OR11A1: variants seen among roughly 807,000 people sequenced by gnomAD.
OR11A1 encodes olfactory receptor family 11 subfamily A member 1, also known as olfactory receptor 11A1.
For missense variants in OR11A1, 380 were observed against 378.2 expected (o/e 1.00, Z -0.04); for synonymous variants, 158 against 152.2 (o/e 1.04, Z -0.28).
At chr6:29,450,873 CAT>C (rs1363217222) in intron 1 of OR11A1, among the ~76,000 whole-genome samples, 1 of 152,136 alleles carries the variant, frequency 6.6e-6, no homozygotes, top group Non-Finnish European at 1.5e-5. Flanking sequence ...TTCTAAAATT[CAT>C]ATGTAACCAA....
At chr6:29,440,242 C>T (rs1208523119) in intron 1 of OR11A1, 12 of 1,613,850 alleles carry the variant, frequency 7.4e-6, no homozygotes, top group Admixed American at 1.7e-5. Context: ...ACGTCTGTCA[C>T]GGTCCCCCTG....
At chr6:29,440,922 A>G in intron 1 of OR11A1, 1 of 1,612,594 alleles carries the variant, frequency 6.2e-7, no homozygotes, top group Non-Finnish European at 8.5e-7. Flanking sequence ...CCTAAAGAGA[A>G]CCATCCAGAA....
At chr6:29,443,054 T>C (rs1037894070) in intron 1 of OR11A1, among the ~76,000 whole-genome samples, 5 of 152,242 alleles carry the variant, frequency 3.3e-5, no homozygotes, top group Non-Finnish European at 5.9e-5. Flanking sequence ...ATTTTTCTCA[T>C]ATCTCAGTGA....
At chr6:29,428,482 T>C (rs903630520) in intron 4 of OR11A1, 18 of 825,534 alleles carry the variant, frequency 2.2e-5, no homozygotes, top group Middle Eastern at 6.3e-4. Flanking sequence ...GAGGCCGGGC[T>C]TGGTGGCTCA....
At chr6:29,435,567 C>A (rs1044932872) in intron 1 of OR11A1, among the ~76,000 whole-genome samples, 4 of 152,122 alleles carry the variant, frequency 2.6e-5, no homozygotes, top group African/African-American at 9.7e-5. Context: ...AATCTGAATC[C>A]ATAGAAACTT....
intron 1 of OR11A1, chr6:29,440,262 C>G (rs771708536): frequency 6.2e-7 from 1 of 1,614,042 alleles, no homozygotes; most frequent in Non-Finnish European, 8.5e-7. Flanking sequence ...GCTACTTCAC[C>G]ACCTCCTTAC....
chr6:29,428,337 G>A lies in OR11A1; in HGVS notation c.-92+576C>T. 6 of 985,578 alleles carry A rather than the reference G, an allele frequency of 6.1e-6. No individual in the cohort carries two copies. The South Asian group carries it at 2.3e-4, about 39-fold the overall frequency. The allele number at this position is 985,578 out of a possible 1,614,324, so 61.1% of individuals were successfully genotyped here. On this transcript the variant is annotated intron_variant, in intron 4 of 4. Coordinates refer to ENST00000377149, the MANE Select transcript of OR11A1 (RefSeq NM_001394828.1). Reference sequence around the variant, plus strand: ...TAAATGGTAATAGGGAAGGAAGTAGGTGCCATGGGAGCAGAGAAGGACCAA... The same window carrying A: ...TAAATGGTAATAGGGAAGGAAGTAGATGCCATGGGAGCAGAGAAGGACCAA...
chr6:29,429,245 A>G (rs1321666356), intron 3 of OR11A1, among the ~76,000 whole-genome samples: 1 of 152,172 alleles, frequency 6.6e-6, no homozygotes. Flanking sequence ...AGTTTTGCCT[A>G]AGACCAAATC....
chr6:29,433,171 T>C (rs1027752098), intron 1 of OR11A1, among the ~76,000 whole-genome samples: 3 of 152,170 alleles, frequency 2.0e-5, no homozygotes, highest in African/African-American at 7.2e-5. Flanking sequence ...TTACCTCACA[T>C]ACTTATCATG....
intron 1 of OR11A1, among the ~76,000 whole-genome samples, chr6:29,445,337 AG>A (rs1784640238): frequency 6.6e-6 from 1 of 152,216 alleles, no homozygotes; most frequent in African/African-American, 2.4e-5. Context: ...GCAGAACTGA[AG>A]TAAGAAGTGA....
chr6:29,438,244 G>A (rs1783796568), intron 1 of OR11A1, among the ~76,000 whole-genome samples: 1 of 151,986 alleles, frequency 6.6e-6, no homozygotes, highest in Non-Finnish European at 1.5e-5. Flanking sequence ...TCAAATAATA[G>A]ATACCAATGA....
intron 1 of OR11A1, among the ~76,000 whole-genome samples, chr6:29,433,883 T>C (rs1442170970): frequency 6.6e-6 from 1 of 152,174 alleles, no homozygotes; most frequent in Non-Finnish European, 1.5e-5. Flanking sequence ...TGAGGTGATA[T>C]CTTATTGTGA....
Position 29,426,875 on chromosome 6 carries a change from A to G in OR11A1, c.767T>C (p.Leu256Pro), listed in dbSNP as rs765983513. The G allele has an allele frequency of 6.2e-7, 1 of 1,613,112 alleles. No individual in the cohort carries two copies. The highest frequency in any genetic ancestry group is 1.7e-5 in the Admixed American group (1 of 60,022). Residue 256 changes from leucine to proline, a missense_variant, in exon 5 of 5, where the codon CTC becomes CCC. Transcript: ENST00000377149. ...LAVVTTFYGT[L>P]MIFYVAPSAV... is the part of the protein sequence containing the mutation. Reference sequence around the variant, plus strand: ...AGAGGGTGCAACATAAAAGATCATGAGCGTTCCATAGAATGTGGTCACTAC... The same window carrying G: ...AGAGGGTGCAACATAAAAGATCATGGGCGTTCCATAGAATGTGGTCACTAC...
chr6:29,440,313 A>T (rs17177632), intron 1 of OR11A1: 1 of 1,613,808 alleles, frequency 6.2e-7, no homozygotes, highest in African/African-American at 1.3e-5. Context: ...TGCTCTCCAG[A>T]TGTTCTTCTT....
intron 1 of OR11A1, among the ~76,000 whole-genome samples, chr6:29,445,349 C>T (rs1784642378): frequency 6.6e-6 from 1 of 152,154 alleles, no homozygotes; most frequent in African/African-American, 2.4e-5. Flanking sequence ...TAAGAAGTGA[C>T]TGTGGCATCA....
At chr6:29,451,502 A>C (rs911846494) in intron 1 of OR11A1, among the ~76,000 whole-genome samples, 2 of 152,288 alleles carry the variant, frequency 1.3e-5, no homozygotes, top group Non-Finnish European at 2.9e-5. Flanking sequence ...AAAGAGAAAA[A>C]AAATTTTTTT....
intron 3 of OR11A1, 98 bp downstream of exon 3, chr6:29,430,203 T>A (rs1783141255): frequency 1.3e-6 from 1 of 798,634 alleles, no homozygotes; most frequent in Non-Finnish European, 1.5e-6. Flanking sequence ...TAAACCCATA[T>A]GAATTGATCA....
In OR11A1 at chr6:29,451,630, C is replaced by A. The variant is rs140129049; in HGVS notation, c.-389+5357G>T. Among the ~76,000 whole-genome samples the A allele has an allele frequency of 6.6e-3, 1,008 of 152,086 alleles. 9 individuals carry two copies. The highest frequency in any genetic ancestry group is 0.01 in the Middle Eastern group (3 of 294). Reference sequence around the variant, plus strand: ...ATTAGAGAAATGCAAGTGAAAACCACAGTGAGATACCATCTCATATCAGTC... The same window carrying A: ...ATTAGAGAAATGCAAGTGAAAACCAAAGTGAGATACCATCTCATATCAGTC... On this transcript the variant is annotated intron_variant, in intron 1 of 4. Coordinates refer to ENST00000377149, the MANE Select transcript of OR11A1 (RefSeq NM_001394828.1).
intron 1 of OR11A1, among the ~76,000 whole-genome samples, chr6:29,445,866 G>A (rs1784713972): frequency 6.6e-6 from 1 of 152,102 alleles, no homozygotes; most frequent in African/African-American, 2.4e-5. Flanking sequence ...TTTCCAGTCA[G>A]GGAAGACTAG....
Sources: allele counts gnomAD v4.1 joint callset (sites outside exome capture counted in the v4.1 genomes callset), GRCh38; gene constraint gnomAD v4.1.1; transcripts MANE v1.5; gene names NCBI Gene and HGNC (gene_info 2026-07-23, HGNC 2026-07-21).